The following PRKG1 variants were observed in gnomAD, a reference collection of about 807,000 sequenced individuals.
The protein encoded by PRKG1 is cGMP-dependent protein kinase 1.
PRKG1 carries 35 observed loss-of-function variants against 88.1 expected under a neutral mutation model. The observed-to-expected ratio is 0.40, with a 90% confidence interval of 0.30 to 0.53. The LOEUF is 0.53. PRKG1 is among the 20% of genes least tolerant of loss of function. The pLI, the probability that PRKG1 is intolerant of heterozygous loss-of-function variation, is 0.59. For synonymous variants in PRKG1, 303 were observed against 292.5 expected, an observed-to-expected ratio of 1.04 and a Z score of -0.37; for missense variants, 540 against 839.8, an observed-to-expected ratio of 0.64 and a Z score of 4.41.
chr10:52,008,599 T>G (rs1844800562), intron 5 of PRKG1, among the ~76,000 whole-genome samples: 1 of 152,042 alleles, frequency 6.6e-6, no homozygotes, highest in African/African-American at 2.4e-5. Flanking sequence ...CTGAACAGAC[T>G]AATAACAAGT....
chr10:51,180,379 T>G (rs1198859943), intron 2 of PRKG1, among the ~76,000 whole-genome samples: 1 of 152,214 alleles, frequency 6.6e-6, no homozygotes, highest in Non-Finnish European at 1.5e-5. Context: ...TAGACTTAGT[T>G]TGCTTTTGCT....
At chr10:51,565,555 A>G (rs547199309) in intron 3 of PRKG1, among the ~76,000 whole-genome samples, 1 of 152,276 alleles carries the variant, frequency 6.6e-6, no homozygotes, top group African/African-American at 2.4e-5. Flanking sequence ...AAGGTGAATT[A>G]TCCTGTTGGG....
intron 1 of PRKG1, among the ~76,000 whole-genome samples, chr10:51,023,404 G>T (rs376217466): frequency 5.3e-4 from 81 of 152,264 alleles, no homozygotes; most frequent in African/African-American, 1.8e-3. Flanking sequence ...GAAAGTCATG[G>T]CCCTTTTCAC....
intron 1 of PRKG1, among the ~76,000 whole-genome samples, chr10:51,086,968 G>T (rs917986280): frequency 1.3e-5 from 2 of 152,142 alleles, no homozygotes; most frequent in Admixed American, 6.5e-5. Context: ...GAGATTCTCT[G>T]CAAGATGGTC....
intron 4 of PRKG1, among the ~76,000 whole-genome samples, chr10:51,830,863 A>G (rs1411363850): frequency 1.3e-5 from 2 of 152,038 alleles, no homozygotes; most frequent in African/African-American, 4.8e-5. Context: ...CACCCTGCCT[A>G]AAGTGATTTA....
chr10:51,245,644 A>T (rs1005136191), intron 2 of PRKG1: 5 of 152,082 alleles, frequency 3.3e-5, no homozygotes, highest in Admixed American at 6.6e-5. Context: ...TAATTTATTG[A>T]TATAATCTTA....
intron 3 of PRKG1, among the ~76,000 whole-genome samples, chr10:51,792,024 G>A (rs1490788194): frequency 6.6e-6 from 1 of 152,102 alleles, no homozygotes; most frequent in Non-Finnish European, 1.5e-5. Context: ...ATTTATGGCA[G>A]TAGGAAGAAG....
chr10:52,145,497 A>G (rs1001756295), intron 8 of PRKG1, among the ~76,000 whole-genome samples: 1 of 152,180 alleles, frequency 6.6e-6, no homozygotes, highest in Non-Finnish European at 1.5e-5. Context: ...TTTTTTATGT[A>G]CAACATTTGG....
At chr10:52,105,731 A>T (rs185546719) in intron 7 of PRKG1, among the ~76,000 whole-genome samples, 1 of 152,094 alleles carries the variant, frequency 6.6e-6, no homozygotes, top group African/African-American at 2.4e-5. Context: ...CCAGGTATTA[A>T]GCTTAGTACT....
At chr10:52,109,124 C>G (rs1847496123) in intron 7 of PRKG1, among the ~76,000 whole-genome samples, 1 of 152,182 alleles carries the variant, frequency 6.6e-6, no homozygotes, top group South Asian at 2.1e-4. Context: ...CTGCGCCAGG[C>G]CTTCAACAAG....
chr10:51,313,337 A>C (rs1366724224), intron 2 of PRKG1, among the ~76,000 whole-genome samples: 1 of 152,138 alleles, frequency 6.6e-6, no homozygotes, highest in Non-Finnish European at 1.5e-5. Context: ...AGTAAGATAC[A>C]GTTCTACCCT....
At chr10:51,719,739 T>G (rs1232709907) in intron 3 of PRKG1, among the ~76,000 whole-genome samples, 2 of 152,200 alleles carry the variant, frequency 1.3e-5, no homozygotes, top group Non-Finnish European at 2.9e-5. Context: ...TTGGGAAAGC[T>G]GGGGGACAGG....
At chr10:51,485,836 G>A (rs1840517370) in intron 3 of PRKG1, among the ~76,000 whole-genome samples, 1 of 152,164 alleles carries the variant, frequency 6.6e-6, no homozygotes. Flanking sequence ...CATCTTAAAT[G>A]TGCTATAGTG....
In PRKG1 at chr10:51,720,373, C is replaced by T. The variant is rs533304289; in HGVS notation, c.593-84212C>T. On this transcript the variant is annotated intron_variant, in intron 3 of 17. Coordinates refer to ENST00000373980, the MANE Select transcript of PRKG1 (RefSeq NM_006258.4). ...AGGGTTATTTTCACCTCTTAAAACA[C>T]CAGAACATGCTCACTATCTTACTAT... Among the ~76,000 whole-genome samples, 11 of 152,274 alleles carry T rather than the reference C, an allele frequency of 7.2e-5. No homozygotes were observed. The East Asian group carries it at 2.1e-3, about 29-fold the overall frequency.
intron 5 of PRKG1, chr10:51,908,734 A>ATATATATATATATATATTTTTT (rs563212069): frequency 1.7e-4 from 9 of 52,234 alleles, no homozygotes; most frequent in East Asian, 6.9e-4. Flanking sequence ...TCTATATGTA[A>ATATATATATATATATATTTTTT]TTTTTTTTTT....
intron 3 of PRKG1, among the ~76,000 whole-genome samples, chr10:51,670,627 T>C (rs1053248493): frequency 6.7e-6 from 1 of 148,296 alleles, no homozygotes; most frequent in African/African-American, 2.4e-5. Context: ...TCCCAGCTAC[T>C]TGGGAGGCTG....
At position 52,206,502 on chromosome 10, in the gene PRKG1, A is replaced by G. The variant is rs550006114; in HGVS notation, c.1076+44539A>G. Reference sequence around the variant, plus strand: ...AGACATTCTGGCTTTTTGAGTTGCCAGAGTACTTGCACTGGTTCTTTCTCA... The same window carrying G: ...AGACATTCTGGCTTTTTGAGTTGCCGGAGTACTTGCACTGGTTCTTTCTCA... On this transcript the variant is annotated intron_variant, in intron 9 of 17. Coordinates refer to ENST00000373980, the MANE Select transcript of PRKG1 (RefSeq NM_006258.4). 2.0e-5 allele frequency among the ~76,000 whole-genome samples: 3 copies of G among 152,330 alleles called. No individual in the cohort carries two copies. In the South Asian group the frequency reaches 6.2e-4, roughly 32 times the overall value.
intron 4 of PRKG1, among the ~76,000 whole-genome samples, chr10:51,879,653 T>C (rs1841388199): frequency 6.6e-6 from 1 of 152,188 alleles, no homozygotes; most frequent in African/African-American, 2.4e-5. Flanking sequence ...CCTCCCTTGG[T>C]AGGAAACAAA....
At chr10:51,555,272 C>G (rs1376389407) in intron 3 of PRKG1, among the ~76,000 whole-genome samples, 1 of 151,800 alleles carries the variant, frequency 6.6e-6, no homozygotes, top group Non-Finnish European at 1.5e-5. Flanking sequence ...ATTAGCTGTC[C>G]ACAAAAATAA....
Sources: allele counts gnomAD v4.1 joint callset (sites outside exome capture counted in the v4.1 genomes callset), GRCh38; gene constraint gnomAD v4.1.1; transcripts MANE v1.5; gene names NCBI Gene and HGNC (gene_info 2026-07-23, HGNC 2026-07-21).